GPR37: variants seen among roughly 807,000 people sequenced by gnomAD.
GPR37 encodes the protein G protein-coupled receptor 37.
A neutral mutation model predicts 43.6 loss-of-function variants in GPR37; 20 were observed. The observed-to-expected ratio is 0.46, with a 90% CI of 0.32 to 0.67. The LOEUF (loss-of-function observed/expected upper bound fraction) is 0.67. Among genes scored for constraint, GPR37 ranks in the 30% least tolerant of loss-of-function variants. GPR37 has a pLI of 0.03. For synonymous variants in GPR37, 315 were observed against 322.6 expected (o/e 0.98, Z 0.25); for missense variants, 724 against 797.2 (o/e 0.91, Z 1.11).
intron 1 of GPR37, among the ~76,000 whole-genome samples, chr7:124,751,522 T>C (rs1376144953): frequency 3.9e-5 from 6 of 152,156 alleles, no homozygotes; most frequent in South Asian, 2.1e-4. Context: ...AATTTCTTCT[T>C]ACCCAAACAT....
In GPR37 at chr7:124,762,201, A is replaced by C. The variant is rs1157463324; in HGVS notation, c.1023+1753T>G. 2.0e-5 allele frequency among the ~76,000 whole-genome samples: 3 copies of C among 152,202 alleles called. No homozygotes were observed. The East Asian group carries it at 5.8e-4, about 29-fold the overall frequency. ...AAGTACATAATAAATGCCATTGCTCAAAATGCTTATATCTCATTAAATTAA... is the reference window on the plus strand; with the variant it reads ...AAGTACATAATAAATGCCATTGCTCCAAATGCTTATATCTCATTAAATTAA... On this transcript the variant is annotated intron_variant, in intron 1 of 1. Transcript: ENST00000303921.
At chr7:124,756,578 T>C (rs548219085) in intron 1 of GPR37, among the ~76,000 whole-genome samples, 24 of 152,354 alleles carry the variant, frequency 1.6e-4, no homozygotes, top group Admixed American at 2.6e-4. Context: ...GATCATCTCT[T>C]CTGGCACAAA....
In GPR37 at chr7:124,746,432, TGCA is replaced by T; in HGVS notation, c.*90_*92del. On this transcript the variant is annotated 3_prime_UTR_variant, in exon 2 of 2. Coordinates refer to ENST00000303921, the MANE Select transcript of GPR37 (RefSeq NM_005302.5). ...ATTTCTTTCTTTATTGTTTCTTTTT[TGCA>T]TTTTTCCCTATAAGGAAAAATATGA... is the stretch of plus-strand genomic sequence containing the variant. The T allele has an allele frequency of 3.4e-6, 3 of 893,768 alleles. No individual in the cohort carries two copies. Among genetic ancestry groups the T allele is most frequent in the Non-Finnish European group, 5.1e-6 (3 of 585,906 alleles). 55.4% of individuals were successfully genotyped at this position (893,768 alleles called of 1,614,324 possible).
Position 124,763,938 on chromosome 7 carries a change from C to G in GPR37, c.1023+16G>C, listed in dbSNP as rs759503153. 2.5e-6 allele frequency: 4 copies of G among 1,610,994 alleles called. No homozygotes were observed. Among genetic ancestry groups the G allele is most frequent in the Non-Finnish European group, 3.4e-6 (4 of 1,178,352 alleles). ...CAGATAAAGCCACTAGCTTGAGAGC[C>G]CCTGGAAGGCATTACCTCTATATAG... On this transcript the variant is annotated intron_variant, in intron 1 of 1. Transcript: ENST00000303921.
Position 124,744,606 on chromosome 7 carries a change from C to T in GPR37, c.*1919G>A, listed in dbSNP as rs1015534972. ...TAAAGCCTTTCATGCTCTCTTCTAA[C>T]CCTATAAGCATTCCCTCTATTCCAA... On this transcript the variant is annotated 3_prime_UTR_variant, in exon 2 of 2. Coordinates refer to ENST00000303921, the MANE Select transcript of GPR37 (RefSeq NM_005302.5). 26 of 152,196 alleles carry T rather than the reference C, an allele frequency of 1.7e-4. No individual in the cohort carries two copies. Among genetic ancestry groups the T allele is most frequent in the East Asian group, 9.6e-4 (5 of 5,186 alleles). 9.4% of individuals were successfully genotyped at this position (152,196 alleles called of 1,614,324 possible).
intron 1 of GPR37, among the ~76,000 whole-genome samples, chr7:124,760,783 T>G (rs1793842129): frequency 6.6e-6 from 1 of 152,156 alleles, no homozygotes; most frequent in Non-Finnish European, 1.5e-5. Flanking sequence ...TTTAGGATAG[T>G]CTCTGAGCTT....
intron 1 of GPR37, among the ~76,000 whole-genome samples, chr7:124,752,401 T>C (rs866547629): frequency 6.6e-6 from 1 of 152,142 alleles, no homozygotes; most frequent in South Asian, 2.1e-4. Flanking sequence ...CTGGAATCTA[T>C]GACAGAACTT....
rs185994145 is a variant in GPR37 at position 124,745,551 on chromosome 7, T to A, written c.*974A>T. Among the ~76,000 whole-genome samples, 133 of 152,294 alleles carry A rather than the reference T, an allele frequency of 8.7e-4. 1 individual carries two copies. The East Asian group carries it at 0.01, about 12-fold the overall frequency. On this transcript the variant is annotated 3_prime_UTR_variant, in exon 2 of 2. Coordinates refer to ENST00000303921, the MANE Select transcript of GPR37 (RefSeq NM_005302.5). ...TTTCATTGCACTTAAAGAAATTAAG[T>A]TGTATAGATTTCATCAAGTTTATTT... is the stretch of plus-strand genomic sequence containing the variant.
chr7:124,751,417 A>G (rs1047035789), intron 1 of GPR37, among the ~76,000 whole-genome samples: 5 of 152,122 alleles, frequency 3.3e-5, no homozygotes, highest in Non-Finnish European at 7.4e-5. Flanking sequence ...TACTTTTCCA[A>G]ATTATTTATA....
At chr7:124,755,972 G>A (rs115014526) in intron 1 of GPR37, among the ~76,000 whole-genome samples, 1,607 of 152,204 alleles carry the variant, frequency 0.011, 28 homozygotes, top group African/African-American at 0.034. Context: ...GTATAGTTAG[G>A]TCATCATGAT....
chr7:124,756,089 C>A (rs1793787979), intron 1 of GPR37, among the ~76,000 whole-genome samples: 1 of 152,080 alleles, frequency 6.6e-6, no homozygotes, highest in Non-Finnish European at 1.5e-5. Flanking sequence ...ATTCAATCTT[C>A]TTATAAAAGG....
chr7:124,764,915 T>C lies in GPR37; in HGVS notation c.62A>G (p.Lys21Arg), dbSNP rs138132243. 1.3e-5 allele frequency: 21 copies of C among 1,579,862 alleles called. No individual in the cohort carries two copies. Among genetic ancestry groups the C allele is most frequent in the Admixed American group, 1.8e-5 (1 of 56,124 alleles). Reference sequence around the variant, plus strand: ...CCCGAGGGCAGAAGAGGCAGACACCTTGAGCAGTAGCAGAAGCAGTAGCCG... The same window carrying C: ...CCCGAGGGCAGAAGAGGCAGACACCCTGAGCAGTAGCAGAAGCAGTAGCCG... ...MSRLLLLLLL[K>R]VSASSALGVA... The change falls in exon 1 of 2, where the codon AAG (lysine) becomes AGG (arginine). Residue 21 changes from lysine to arginine, a missense_variant. Lys to Arg is a conservative substitution (Grantham distance 26). Around this residue, in one of 2 missense-constraint regions of GPR37, gnomAD observed 382 missense variants for 355.4 expected, o/e 1.07. Transcript: ENST00000303921. The surrounding 1 kb of genome is among the most constrained non-coding windows in gnomAD (Gnocchi z 5.4).
chr7:124,748,396 T>TA (rs1249075468), intron 1 of GPR37, among the ~76,000 whole-genome samples: 2 of 152,016 alleles, frequency 1.3e-5, no homozygotes, highest in African/African-American at 2.4e-5. Flanking sequence ...GGCACCTGGT[T>TA]AAAATCAAAC....
chr7:124,756,889 A>T (rs1793797373), intron 1 of GPR37, among the ~76,000 whole-genome samples: 1 of 152,198 alleles, frequency 6.6e-6, no homozygotes, highest in South Asian at 2.1e-4. Context: ...TGCAGCCTAA[A>T]TATGAAAGCA....
intron 1 of GPR37, among the ~76,000 whole-genome samples, chr7:124,755,234 C>T (rs910132255): frequency 6.6e-6 from 1 of 152,108 alleles, no homozygotes; most frequent in African/African-American, 2.4e-5. Context: ...GATATTTAGT[C>T]TGATATGCCC....
chr7:124,746,512 C>T lies in GPR37; in HGVS notation c.*13G>A. On this transcript the variant is annotated 3_prime_UTR_variant, in exon 2 of 2. Coordinates refer to ENST00000303921, the MANE Select transcript of GPR37 (RefSeq NM_005302.5). ...ATCAAACAAATAAATCTGACCCAAC[C>T]AAGTACTGTCCTTCAGCAATGAGTT... is the stretch of plus-strand genomic sequence containing the variant. 1.3e-6 allele frequency: 2 copies of T among 1,553,156 alleles called. No homozygotes were observed. The highest frequency in any genetic ancestry group is 1.7e-6 in the Non-Finnish European group (2 of 1,146,046).
rs1249569371 is a variant in GPR37 at position 124,744,740 on chromosome 7, A to T, written c.*1785T>A. On this transcript the variant is annotated 3_prime_UTR_variant, in exon 2 of 2. Coordinates refer to ENST00000303921, the MANE Select transcript of GPR37 (RefSeq NM_005302.5). The stretch of plus-strand genomic sequence containing the variant: ...TTCCCATCCATGTCATCCCTGCCTG[A>T]TTCTGTAAGGTCTGAGGCTGTGACC... The T allele has an allele frequency of 1.3e-5, 2 of 152,150 alleles. No individual in the cohort carries two copies. Among genetic ancestry groups the T allele is most frequent in the East Asian group, 1.9e-4 (1 of 5,184 alleles). The allele number at this position is 152,150 out of a possible 1,614,324, so 9.4% of individuals were successfully genotyped here. A position where few individuals can be genotyped will look rare whatever the true frequency, so the allele number is the denominator to read the frequency against.
chr7:124,753,460 G>A (rs758133199), intron 1 of GPR37, among the ~76,000 whole-genome samples: 11 of 151,848 alleles, frequency 7.2e-5, no homozygotes, highest in Non-Finnish European at 1.3e-4. Context: ...CCTTGCCTCA[G>A]TTTTCTTAAT....
Position 124,765,134 on chromosome 7 carries a change from T to TG in GPR37, c.-159dup, listed in dbSNP as rs1265885683. On this transcript the variant is annotated 5_prime_UTR_variant, in exon 1 of 2. Transcript: ENST00000303921. ...TAGGGTGATAGCGGAAGATCGGTCT[T>TG]GGGGGTCACACACACGCCCCCTATA... 28 of 614,582 alleles carry TG rather than the reference T, an allele frequency of 4.6e-5. No homozygotes were observed. Among genetic ancestry groups the TG allele is most frequent in the Non-Finnish European group, 6.9e-5 (26 of 378,532 alleles). The allele number at this position is 614,582 out of a possible 1,614,324, so 38.1% of individuals were successfully genotyped here.
Sources: allele counts gnomAD v4.1 joint callset (sites outside exome capture counted in the v4.1 genomes callset), GRCh38; gene constraint gnomAD v4.1.1; regional missense constraint gnomAD v4.1.1; non-coding constraint Gnocchi (gnomAD v3.1); transcripts MANE v1.5; gene names NCBI Gene and HGNC (gene_info 2026-07-23, HGNC 2026-07-21).